BCL2: variants seen among roughly 807,000 people sequenced by gnomAD.
BCL2 encodes BCL2 apoptosis regulator.
Under a neutral mutation model 14.2 loss-of-function variants are expected in BCL2, and 1 was observed. The observed-to-expected ratio is 0.07, with a 90% CI of 0.02 to 0.33. BCL2 has a LOEUF of 0.33. Ranked by LOEUF, BCL2 falls within the 10% of genes least tolerant of loss-of-function variation. The pLI is 0.99. For missense variants in BCL2, 247 were observed against 305.9 expected (o/e 0.81, Z 1.44); for synonymous variants, 151 against 137.2 (o/e 1.10, Z -0.70).
At chr18:63,231,471 G>C (rs189773991) in intron 2 of BCL2, among the ~76,000 whole-genome samples, 6 of 152,074 alleles carry the variant, frequency 3.9e-5, no homozygotes, top group Non-Finnish European at 7.4e-5. Flanking sequence ...GAGAAACTAT[G>C]AACAATTACA....
intron 2 of BCL2, among the ~76,000 whole-genome samples, chr18:63,277,285 T>C (rs1299796061): frequency 2.6e-5 from 4 of 152,130 alleles, no homozygotes; most frequent in African/African-American, 7.2e-5. Context: ...TCTATGAGAG[T>C]GAGGATTTTG....
At chr18:63,248,960 C>A (rs1192606628) in intron 2 of BCL2, among the ~76,000 whole-genome samples, 1 of 152,154 alleles carries the variant, frequency 6.6e-6, no homozygotes, top group African/African-American at 2.4e-5. Context: ...CTGTAAGATG[C>A]TACTTGGGTG....
chr18:63,150,330 C>T (rs1914623181), intron 2 of BCL2, among the ~76,000 whole-genome samples: 2 of 152,250 alleles, frequency 1.3e-5, no homozygotes, highest in Non-Finnish European at 2.9e-5. Flanking sequence ...CAGCAACACC[C>T]AGCTGAAGAG....
intron 2 of BCL2, among the ~76,000 whole-genome samples, chr18:63,240,926 C>T (rs1910983635): frequency 6.6e-6 from 1 of 152,194 alleles, no homozygotes; most frequent in African/African-American, 2.4e-5. Context: ...AAAGAATGAA[C>T]AAACGAGTCA....
intron 2 of BCL2, among the ~76,000 whole-genome samples, chr18:63,304,321 T>A (rs1913055135): frequency 2.6e-5 from 4 of 152,160 alleles, no homozygotes; most frequent in Admixed American, 6.5e-5. Context: ...TTTATAAATA[T>A]TTGTTGATTG....
chr18:63,200,250 C>T lies in BCL2; in HGVS notation c.586-71491G>A, dbSNP rs1909651453. Among the ~76,000 whole-genome samples, 3 of 152,130 alleles carry T rather than the reference C, an allele frequency of 2.0e-5. No homozygotes were observed. The South Asian group carries it at 6.2e-4, about 31-fold the overall frequency. On this transcript the variant is annotated intron_variant, in intron 2 of 2. Coordinates refer to ENST00000333681, the MANE Select transcript of BCL2 (RefSeq NM_000633.3). ...CACACCAAACAGAGTGAAGCAGAAC[C>T]CACATTTCACTGGAATCCTTACTTT...
intron 2 of BCL2, among the ~76,000 whole-genome samples, chr18:63,160,625 G>A (rs1914896624): frequency 6.6e-6 from 1 of 152,030 alleles, no homozygotes; most frequent in Non-Finnish European, 1.5e-5. Flanking sequence ...GATTTCAGAG[G>A]AGCCCTTCAG....
At position 63,319,433 on chromosome 18, in the gene BCL2, A is replaced by G. The variant is rs997379958; in HGVS notation, c.-546T>C. On this transcript the variant is annotated 5_prime_UTR_variant, in exon 1 of 3. Transcript: ENST00000333681. ...GATCTCAAGAGCTCGAGAAAAAAAA[A>G]AGGCAGCGGCGGCGGCAGATGAATT... 1.7e-5 allele frequency: 4 copies of G among 229,404 alleles called. No individual in the cohort carries two copies. The highest frequency in any genetic ancestry group is 6.7e-5 in the African/African-American group (3 of 45,072). The allele number at this position is 229,404 out of a possible 1,614,324, so 14.2% of individuals were successfully genotyped here.
chr18:63,148,482 T>A (rs950460892), intron 2 of BCL2, among the ~76,000 whole-genome samples: 1 of 152,234 alleles, frequency 6.6e-6, no homozygotes, highest in Non-Finnish European at 1.5e-5. Context: ...ACATTTGTTA[T>A]TTTAAAAATT....
At chr18:63,309,261 C>T (rs1409327156) in intron 2 of BCL2, among the ~76,000 whole-genome samples, 1 of 152,178 alleles carries the variant, frequency 6.6e-6, no homozygotes, top group Non-Finnish European at 1.5e-5. Context: ...GAGAAACCTA[C>T]ATGATTCGAG....
chr18:63,307,375 T>C (rs949767286), intron 2 of BCL2, among the ~76,000 whole-genome samples: 14 of 152,242 alleles, frequency 9.2e-5, no homozygotes, highest in Non-Finnish European at 2.1e-4. Context: ...GAGCCAAATA[T>C]TAAATGTTCA....
At chr18:63,232,247 C>CA (rs912537145) in intron 2 of BCL2, among the ~76,000 whole-genome samples, 63 of 144,292 alleles carry the variant, frequency 4.4e-4, no homozygotes, top group East Asian at 1.2e-3. Context: ...GAGGGACTGA[C>CA]AAAAAAAAAT....
At chr18:63,189,966 C>A (rs1325918433) in intron 2 of BCL2, among the ~76,000 whole-genome samples, 1 of 152,066 alleles carries the variant, frequency 6.6e-6, no homozygotes, top group Admixed American at 6.6e-5. Flanking sequence ...TGGGTATTCC[C>A]AGATTAAATA....
intron 2 of BCL2, among the ~76,000 whole-genome samples, chr18:63,159,865 G>C (rs559336210): frequency 1.3e-5 from 2 of 152,184 alleles, no homozygotes; most frequent in African/African-American, 2.4e-5. Context: ...CTGCCCACGC[G>C]TACGCATTTC....
intron 2 of BCL2, among the ~76,000 whole-genome samples, chr18:63,311,606 C>T (rs1425837936): frequency 2.6e-4 from 40 of 152,064 alleles, no homozygotes. Flanking sequence ...CATGGAAGCC[C>T]CAGAGAGCTG....
chr18:63,255,179 G>A (rs1181599615), intron 2 of BCL2, among the ~76,000 whole-genome samples: 1 of 152,194 alleles, frequency 6.6e-6, no homozygotes, highest in Non-Finnish European at 1.5e-5. Flanking sequence ...CAGAGCTAGA[G>A]CAGCATAAAG....
intron 2 of BCL2, among the ~76,000 whole-genome samples, chr18:63,294,554 C>T (rs1912749036): frequency 1.3e-5 from 2 of 151,968 alleles, no homozygotes; most frequent in Admixed American, 6.6e-5. Flanking sequence ...CCTGTAGTTC[C>T]AGCTACTCAG....
chr18:63,235,518 C>T (rs1279688576), intron 2 of BCL2, among the ~76,000 whole-genome samples: 1 of 151,896 alleles, frequency 6.6e-6, no homozygotes, highest in Non-Finnish European at 1.5e-5. Flanking sequence ...TCCATGATAT[C>T]CTTTATATAA....
chr18:63,309,188 G>A (rs182217235), intron 2 of BCL2, among the ~76,000 whole-genome samples: 4 of 152,280 alleles, frequency 2.6e-5, no homozygotes, highest in East Asian at 1.9e-4. Flanking sequence ...AACAACAGTC[G>A]CAAACTAAGA....
Sources: allele counts gnomAD v4.1 joint callset (sites outside exome capture counted in the v4.1 genomes callset), GRCh38; gene constraint gnomAD v4.1.1; transcripts MANE v1.5; gene names NCBI Gene and HGNC (gene_info 2026-07-23, HGNC 2026-07-21).